Variants in UTRN observed in about 807,000 individuals in gnomAD.
UTRN encodes dystrophin-related protein 1.
In UTRN, 283 loss-of-function variants were observed where a neutral mutation model predicts 463.9. The observed-to-expected ratio is 0.61, with a 90% CI of 0.55 to 0.67. UTRN has a LOEUF of 0.67. Ranked by LOEUF, UTRN falls within the 30% of genes least tolerant of loss-of-function variation. UTRN has a pLI of 0.00. For synonymous variants in UTRN, 1,442 were observed against 1,431.5 expected, an observed-to-expected ratio of 1.01 and a Z score of -0.17; for missense variants, 3,922 against 4,084.3, an observed-to-expected ratio of 0.96 and a Z score of 1.08.
At chr6:144,455,454 C>T (rs960788685) in intron 19 of UTRN, among the ~76,000 whole-genome samples, 2 of 152,122 alleles carry the variant, frequency 1.3e-5, no homozygotes, top group Non-Finnish European at 1.5e-5. Flanking sequence ...CCTTTACAAG[C>T]ATAGATTTTT....
intron 9 of UTRN, among the ~76,000 whole-genome samples, chr6:144,431,587 C>T (rs1339193627): frequency 6.6e-6 from 1 of 152,162 alleles, no homozygotes; most frequent in Non-Finnish European, 1.5e-5. Flanking sequence ...TGAAAGTTTC[C>T]TCATGTGTTC....
intron 69 of UTRN, among the ~76,000 whole-genome samples, chr6:144,833,770 T>C (rs1002428282): frequency 6.6e-6 from 1 of 152,196 alleles, no homozygotes; most frequent in Non-Finnish European, 1.5e-5. Flanking sequence ...AGCTCATTGG[T>C]GTCCTGGTGG....
chr6:144,582,175 G>T (rs1802032593), intron 51 of UTRN, among the ~76,000 whole-genome samples: 1 of 152,128 alleles, frequency 6.6e-6, no homozygotes, highest in Non-Finnish European at 1.5e-5. Context: ...TAACATGAAG[G>T]ACTAAGAAAG....
chr6:144,392,974 C>G (rs1055163525), intron 2 of UTRN, among the ~76,000 whole-genome samples: 1 of 152,012 alleles, frequency 6.6e-6, no homozygotes, highest in Non-Finnish European at 1.5e-5. Context: ...TTGTTGCATC[C>G]AGGGCAAGGC....
rs367720877 is a variant in UTRN, at chr6:144,795,986, C to G, written c.9079-1838C>G. On this transcript the variant is annotated intron_variant, in intron 63 of 74. Transcript: ENST00000367545. ...GGTGTTTTAGTCATGAAGTCTTTGC[C>G]CATGACTATGTCCTGAATGGTATTG... 3.6e-4 allele frequency among the ~76,000 whole-genome samples: 55 copies of G among 152,104 alleles called. No individual in the cohort carries two copies. In the East Asian group the frequency reaches 9.1e-3, roughly 25 times the overall value.
intron 2 of UTRN, among the ~76,000 whole-genome samples, chr6:144,366,859 C>A (rs972429481): frequency 2.0e-5 from 3 of 152,232 alleles, no homozygotes; most frequent in Admixed American, 6.5e-5. Flanking sequence ...AATTTACACT[C>A]CTACCAACAG....
At chr6:144,486,439 G>C (rs976886571) in intron 28 of UTRN, among the ~76,000 whole-genome samples, 2 of 152,144 alleles carry the variant, frequency 1.3e-5, no homozygotes. Context: ...ACAGTTTGTA[G>C]ATTTCTTCCT....
At chr6:144,783,229 T>C (rs555818744) in intron 61 of UTRN, among the ~76,000 whole-genome samples, 10 of 151,846 alleles carry the variant, frequency 6.6e-5, no homozygotes, top group Non-Finnish European at 1.3e-4. Flanking sequence ...CTAGAACTGT[T>C]GTTTTGCCTC....
intron 39 of UTRN, 25 bp from the exon 40 acceptor site, chr6:144,521,955 A>ATATTTT: frequency 1.1e-6 from 1 of 942,218 alleles, no homozygotes. Context: ...ATATATATAT[A>ATATTTT]TTTTTTTTTT....
rs769454542 is a variant in UTRN at position 144,448,723 on chromosome 6, C to T, written c.2026C>T (p.Pro676Ser). ...TAAGCAGGAACTGCCTCCTCCTCCT[C>T]CCCCAAAGAAGAGACAGATCCATGT... ...KSKQELPPPPPPKKRQIHVDI... is the reference protein window; with the variant it reads ...KSKQELPPPPSPKKRQIHVDI... Residue 676 changes from proline (P) to serine (S), a missense_variant, in exon 17 of 75, where the codon CCC (proline) becomes TCC (serine). Coordinates refer to ENST00000367545, the MANE Select transcript of UTRN (RefSeq NM_007124.3). The T allele has an allele frequency of 1.2e-6, 2 of 1,613,918 alleles. No individual in the cohort carries two copies. Among genetic ancestry groups the T allele is most frequent in the Middle Eastern group, 1.7e-4 (1 of 6,060 alleles).
chr6:144,297,961 A>G (rs922594119), intron 2 of UTRN, among the ~76,000 whole-genome samples: 4 of 152,200 alleles, frequency 2.6e-5, no homozygotes, highest in Admixed American at 2.6e-4. Context: ...ATTTGTACCC[A>G]GAAGTTTGAA....
At chr6:144,480,006 A>C in intron 26 of UTRN, 24 bp downstream of exon 26, 1 of 1,607,292 alleles carries the variant, frequency 6.2e-7, no homozygotes, top group Non-Finnish European at 8.5e-7. Context: ...GACCAGTGCC[A>C]ACAGGCTTCA....
At chr6:144,448,537 A>T (rs1299901319) in intron 16 of UTRN, 63 bp from the exon 17 acceptor site, 3 of 1,550,810 alleles carry the variant, frequency 1.9e-6, no homozygotes, top group East Asian at 2.3e-5. Flanking sequence ...ATTTTATAGC[A>T]TGTGAATTAC....
intron 51 of UTRN, among the ~76,000 whole-genome samples, chr6:144,631,237 G>GGTGTGTGTGTGTGTGTGTGT (rs67332744): frequency 1.4e-5 from 2 of 147,418 alleles, no homozygotes; most frequent in South Asian, 2.2e-4. Flanking sequence ...GAGAGAGAGA[G>GGTGTGTGTGTGTGTGTGTGT]GTGTGTGTGT....
chr6:144,470,854 G>T (rs958895983), intron 23 of UTRN, among the ~76,000 whole-genome samples: 1 of 151,780 alleles, frequency 6.6e-6, no homozygotes, highest in Non-Finnish European at 1.5e-5. Context: ...GCGAAACCCC[G>T]TCTCCACCAA....
At chr6:144,508,095 G>A (rs1404587651) in intron 34 of UTRN, among the ~76,000 whole-genome samples, 1 of 152,164 alleles carries the variant, frequency 6.6e-6, no homozygotes, top group Non-Finnish European at 1.5e-5. Flanking sequence ...TCACCACCAA[G>A]CTCCAGCATT....
chr6:144,728,649 C>T (rs1458142374), intron 53 of UTRN, among the ~76,000 whole-genome samples: 3 of 143,278 alleles, frequency 2.1e-5, no homozygotes, highest in African/African-American at 5.2e-5. Context: ...GTGCTTGCTT[C>T]GCTGTCAGTC....
chr6:144,312,423 CAAA>C (rs59056805), intron 2 of UTRN, among the ~76,000 whole-genome samples: 6 of 86,004 alleles, frequency 7.0e-5, no homozygotes, highest in Non-Finnish European at 1.1e-4. Context: ...GACTCCATCT[CAAA>C]AAAAAAAAAA....
chr6:144,827,586 ATTGCTT>A lies in UTRN; in HGVS notation c.9534-23_9534-18del. 1 of 1,612,914 alleles carries A rather than the reference ATTGCTT, an allele frequency of 6.2e-7. No individual in the cohort carries two copies. ...CCTATCAATATTTGGGCATAAAATT[ATTGCTT>A]TGTTTTTTTCTTTTAAAGCCCCTCA... On this transcript the variant is annotated intron_variant, in intron 67 of 74. Transcript: ENST00000367545.
Sources: gnomAD v4.1 joint callset for allele counts (sites outside exome capture counted in the v4.1 genomes callset) on GRCh38, gnomAD v4.1.1 for gene constraint, MANE v1.5 for transcripts, NCBI Gene and HGNC (gene_info 2026-07-23, HGNC 2026-07-21) for gene names.